Variants in ADAMTSL3 observed in about 807,000 individuals in gnomAD.
ADAMTSL3 encodes the protein ADAMTS like 3.
A neutral mutation model predicts 201.7 loss-of-function variants in ADAMTSL3; 128 were observed. That is an observed-to-expected ratio of 0.63 (90% CI 0.55 to 0.73). ADAMTSL3 has a LOEUF of 0.73. ADAMTSL3 is among the 30% of genes least tolerant of loss of function. ADAMTSL3 has a pLI of 0.00. For missense variants in ADAMTSL3, 1,990 were observed against 2,119.6 expected (o/e 0.94, Z 1.20); for synonymous variants, 738 against 748.4 (o/e 0.99, Z 0.23).
chr15:83,958,289 T>C lies in ADAMTSL3; in HGVS notation c.2491-12195T>C, dbSNP rs1002915059. Among the ~76,000 whole-genome samples the C allele has an allele frequency of 7.9e-5, 12 of 152,216 alleles. No individual in the cohort carries two copies. The East Asian group carries it at 9.7e-4, about 12-fold the overall frequency. The stretch of plus-strand genomic sequence containing the variant: ...GAGTGTGATTGGTTCCAGAGTGTGA[T>C]TGGATGCAAGAAAGATTGTGCAGAA... On this transcript the variant is annotated intron_variant, in intron 19 of 29. Transcript: ENST00000286744.
chr15:84,005,793 T>C (rs1388922777), intron 23 of ADAMTSL3, among the ~76,000 whole-genome samples: 1 of 152,238 alleles, frequency 6.6e-6, no homozygotes, highest in African/African-American at 2.4e-5. Context: ...ATAGATACTA[T>C]GACCCAGATG....
chr15:83,731,621 T>G (rs898768931), intron 3 of ADAMTSL3, among the ~76,000 whole-genome samples: 4 of 152,094 alleles, frequency 2.6e-5, no homozygotes, highest in Non-Finnish European at 5.9e-5. Context: ...TTCATTGCAG[T>G]GTTATACTCA....
At chr15:83,655,627 A>G in intron 1 of ADAMTSL3, 102 bp from the exon 2 acceptor site, 3 of 810,064 alleles carry the variant, frequency 3.7e-6, no homozygotes, top group Non-Finnish European at 6.0e-6. Flanking sequence ...CCAAAATAGT[A>G]TATGGGCTTC....
intron 2 of ADAMTSL3, among the ~76,000 whole-genome samples, chr15:83,700,117 A>C (rs182969489): frequency 1.1e-3 from 173 of 152,346 alleles, no homozygotes; most frequent in African/African-American, 3.9e-3. Flanking sequence ...TATGTGTTGA[A>C]TGCATGGTCA....
intron 2 of ADAMTSL3, among the ~76,000 whole-genome samples, chr15:83,674,752 TACACACATATATAC>T (rs1459419927): frequency 2.3e-4 from 26 of 114,228 alleles, no homozygotes; most frequent in South Asian, 6.5e-4. Context: ...TATACATATA[TACACACATATATAC>T]ATATATATAT....
At chr15:83,802,306 G>A (rs1394841614) in intron 4 of ADAMTSL3, among the ~76,000 whole-genome samples, 2 of 151,858 alleles carry the variant, frequency 1.3e-5, no homozygotes, top group African/African-American at 2.4e-5. Flanking sequence ...GATGTTTACC[G>A]AATAATTTTT....
At chr15:83,831,163 T>C (rs1403338861) in intron 6 of ADAMTSL3, among the ~76,000 whole-genome samples, 2 of 152,194 alleles carry the variant, frequency 1.3e-5, no homozygotes, top group Non-Finnish European at 2.9e-5. Flanking sequence ...TATCTCTATG[T>C]TTTCCCCTCC....
chr15:83,820,134 G>C, intron 6 of ADAMTSL3, 87 bp downstream of exon 6: 1 of 1,217,024 alleles, frequency 8.2e-7, no homozygotes, highest in Non-Finnish European at 1.2e-6. Context: ...CTGTATTTTT[G>C]TTCATGCAGA....
chr15:83,792,587 C>A (rs1191976805), intron 4 of ADAMTSL3, among the ~76,000 whole-genome samples: 3 of 152,110 alleles, frequency 2.0e-5, no homozygotes, highest in Non-Finnish European at 2.9e-5. Flanking sequence ...AGTTAGAGAC[C>A]AGCCTGGCCA....
chr15:83,778,446 A>C (rs75822939), intron 4 of ADAMTSL3, among the ~76,000 whole-genome samples: 13,222 of 152,284 alleles, frequency 0.087, 664 homozygotes, highest in East Asian at 0.18. Flanking sequence ...TACAAGCAAG[A>C]AGAGATTCTG....
chr15:83,722,520 G>A (rs2062115250), intron 3 of ADAMTSL3, among the ~76,000 whole-genome samples: 1 of 152,146 alleles, frequency 6.6e-6, no homozygotes, highest in African/African-American at 2.4e-5. Context: ...TTATGATACA[G>A]AAATTGTTAT....
At chr15:83,669,549 G>A (rs1019788264) in intron 2 of ADAMTSL3, among the ~76,000 whole-genome samples, 1 of 125,000 alleles carries the variant, frequency 8.0e-6, no homozygotes, top group African/African-American at 3.1e-5. Context: ...CTCGCTGCAA[G>A]CTCTGCCTCC....
intron 3 of ADAMTSL3, among the ~76,000 whole-genome samples, chr15:83,730,709 G>T (rs2062252115): frequency 6.6e-6 from 1 of 151,072 alleles, no homozygotes; most frequent in African/African-American, 2.4e-5. Context: ...CAAATATTTT[G>T]TCCTAATATG....
intron 15 of ADAMTSL3, among the ~76,000 whole-genome samples, chr15:83,906,535 C>T (rs578228465): frequency 1.3e-5 from 2 of 151,338 alleles, no homozygotes; most frequent in South Asian, 4.2e-4. Context: ...TAGCATAGTG[C>T]CTGGCAGCTA....
intron 2 of ADAMTSL3, among the ~76,000 whole-genome samples, chr15:83,662,945 T>C (rs912359446): frequency 6.6e-6 from 1 of 152,152 alleles, no homozygotes; most frequent in African/African-American, 2.4e-5. Context: ...AGATGTGAGT[T>C]CTTTGGAGGG....
At chr15:83,924,777 T>C (rs2066217574) in intron 17 of ADAMTSL3, among the ~76,000 whole-genome samples, 1 of 152,166 alleles carries the variant, frequency 6.6e-6, no homozygotes, top group South Asian at 2.1e-4. Flanking sequence ...CCCCAGTCTT[T>C]TCCTTTCTCT....
At chr15:83,838,350 ATTTC>A in intron 7 of ADAMTSL3, 135 bp downstream of exon 7, 2 of 1,200,674 alleles carry the variant, frequency 1.7e-6, no homozygotes, top group Non-Finnish European at 2.3e-6. Context: ...TAAAAGTGAA[ATTTC>A]TTCCAAGAAG....
chr15:83,694,931 A>G (rs1201709167), intron 2 of ADAMTSL3, among the ~76,000 whole-genome samples: 1 of 152,182 alleles, frequency 6.6e-6, no homozygotes, highest in Non-Finnish European at 1.5e-5. Flanking sequence ...CTTTTGGGGA[A>G]CTGAAAGGTG....
chr15:83,812,525 C>G (rs2063714725), intron 5 of ADAMTSL3, among the ~76,000 whole-genome samples: 1 of 152,216 alleles, frequency 6.6e-6, no homozygotes, highest in Non-Finnish European at 1.5e-5. Flanking sequence ...ACGGCAGGGT[C>G]TTTTCAGTCC....
Sources: allele counts gnomAD v4.1 joint callset (sites outside exome capture counted in the v4.1 genomes callset), GRCh38; gene constraint gnomAD v4.1.1; transcripts MANE v1.5; gene names NCBI Gene and HGNC (gene_info 2026-07-23, HGNC 2026-07-21).